PAOX: variants seen among roughly 807,000 people sequenced by gnomAD.
The protein encoded by PAOX is polyamine oxidase.
Under a neutral mutation model 39.0 loss-of-function variants are expected in PAOX, and 38 were observed. That is an observed-to-expected ratio of 0.97 (90% CI 0.75 to 1.28). PAOX has a LOEUF of 1.28. Among genes scored for constraint, PAOX ranks in the 50% most tolerant of loss-of-function variants. The pLI, the probability that PAOX is intolerant of heterozygous loss-of-function variation, is 0.00. For missense variants in PAOX, 667 were observed against 685.7 expected (o/e 0.97, Z 0.30); for synonymous variants, 311 against 314.4 (o/e 0.99, Z 0.11).
chr10:133,380,327 G>A lies in PAOX; in HGVS notation c.510G>A (p.Trp170Ter). The A allele has an allele frequency of 6.2e-7, 1 of 1,612,934 alleles. No homozygotes were observed. Among genetic ancestry groups the A allele is most frequent in the Non-Finnish European group, 8.5e-7 (1 of 1,180,040 alleles). Residue 170 changes from tryptophan to a stop codon, truncating the protein, a stop_gained, in exon 2 of 7, where the codon TGG (tryptophan) becomes TGA (stop). Transcript: ENST00000278060. LOFTEE classifies it high-confidence loss of function. ...KKEIGQHVAG[W>*]TEDEETRKLK... ...AGATTGGCCAGCACGTGGCCGGCTGGACAGAGGATGAGGAGACCAGGAAGC... is the reference window on the plus strand; with the variant it reads ...AGATTGGCCAGCACGTGGCCGGCTGAACAGAGGATGAGGAGACCAGGAAGC...
intron 3 of PAOX, 78 bp downstream of exon 3, chr10:133,381,737 G>A (rs1849388986): frequency 1.4e-6 from 2 of 1,476,778 alleles, no homozygotes; most frequent in South Asian, 1.2e-5. Context: ...TTGGCTCTGG[G>A]GCGTTTGCTT....
rs374107681 is a variant in PAOX at position 133,391,543 on chromosome 10, T to G, written c.*88T>G. ...ACAGATTTCAGTCTGGCTTGAAATT[T>G]GGGGATGTTAATGAGGGTCCTCTGG... is the stretch of plus-strand genomic sequence containing the variant. On this transcript the variant is annotated 3_prime_UTR_variant, in exon 7 of 7. Transcript: ENST00000278060. 1,616 of 1,496,878 alleles carry G rather than the reference T, an allele frequency of 1.1e-3. 11 individuals carry two copies. Among genetic ancestry groups the G allele is most frequent in the South Asian group, 7.0e-3 (517 of 74,064 alleles). 92.7% of individuals were successfully genotyped at this position (1,496,878 alleles called of 1,614,324 possible). A position where few individuals can be genotyped will look rare whatever the true frequency, so the allele number is the denominator to read the frequency against.
intron 4 of PAOX, among the ~76,000 whole-genome samples, chr10:133,387,192 T>C (rs1253066344): frequency 1.3e-5 from 2 of 152,070 alleles, no homozygotes; most frequent in African/African-American, 2.4e-5. Flanking sequence ...GGTGGGAGGA[T>C]TGCTTGAGCC....
At position 133,391,606 on chromosome 10, in the gene PAOX, C is replaced by A; in HGVS notation, c.*151C>A. ...AGGGCCACCTTCTCAGTTCTTGTGT[C>A]TGTTATTGGAGTCTGGCCAGGGTTG... On this transcript the variant is annotated 3_prime_UTR_variant, in exon 7 of 7. Transcript: ENST00000278060. 1 of 1,229,012 alleles carries A rather than the reference C, an allele frequency of 8.1e-7. No individual in the cohort carries two copies. Among genetic ancestry groups the A allele is most frequent in the Non-Finnish European group, 1.1e-6 (1 of 902,128 alleles). The allele number at this position is 1,229,012 out of a possible 1,614,324, so 76.1% of individuals were successfully genotyped here. A position where few individuals can be genotyped will look rare whatever the true frequency, so the allele number is the denominator to read the frequency against.
At position 133,389,697 on chromosome 10, in the gene PAOX, G is replaced by T; in HGVS notation, c.1342G>T (p.Asp448Tyr). The change falls in exon 6 of 7, where the codon GAC becomes TAC. Residue 448 changes from aspartate (D) to tyrosine (Y), a missense_variant. Transcript: ENST00000278060. ...CGTGGCCGTGGGCAGTACTGGGGGC[G>T]ACCTGGACCTGCTGGCTCAGCCCCT... ...SYVAVGSTGG[D>Y]LDLLAQPLPA... 1.3e-6 allele frequency: 2 copies of T among 1,595,480 alleles called. No individual in the cohort carries two copies. Among genetic ancestry groups the T allele is most frequent in the Non-Finnish European group, 1.7e-6 (2 of 1,168,558 alleles).
At chr10:133,385,410 C>G (rs1409192554) in intron 4 of PAOX, among the ~76,000 whole-genome samples, 1 of 152,046 alleles carries the variant, frequency 6.6e-6, no homozygotes, top group Non-Finnish European at 1.5e-5. Context: ...CCAGCCCCAC[C>G]TCCTGTGCTC....
rs1182414942 is a variant in PAOX at position 133,379,567 on chromosome 10, C to T, written c.181+70C>T. ...GCCCGAACTCGCCGGCCCCAACCTGCCCTGCGCGCAGCCGACCTGCCCGGC... is the reference window on the plus strand; with the variant it reads ...GCCCGAACTCGCCGGCCCCAACCTGTCCTGCGCGCAGCCGACCTGCCCGGC... On this transcript the variant is annotated intron_variant, in intron 1 of 6. Coordinates refer to ENST00000278060, the MANE Select transcript of PAOX (RefSeq NM_152911.4). The T allele has an allele frequency of 1.6e-5, 19 of 1,178,932 alleles. No individual in the cohort carries two copies. The South Asian group carries it at 3.5e-4, about 22-fold the overall frequency. 73.0% of individuals were successfully genotyped at this position (1,178,932 alleles called of 1,614,324 possible).
Position 133,385,933 on chromosome 10 carries a change from C to G in PAOX, c.1121+1721C>G, listed in dbSNP as rs185693219. Among the ~76,000 whole-genome samples the G allele has an allele frequency of 3.6e-3, 552 of 151,688 alleles. 3 individuals are homozygous for G. The highest frequency in any genetic ancestry group is 5.8e-3 in the Non-Finnish European group (397 of 67,962). On this transcript the variant is annotated intron_variant, in intron 4 of 6. Coordinates refer to ENST00000278060, the MANE Select transcript of PAOX (RefSeq NM_152911.4). ...TTGAGATGATAGTAACAAACCTATT[C>G]TATGTTAGCATAAATAACATTTTTA...
At chr10:133,390,204 G>T (rs1425441499) in intron 6 of PAOX, among the ~76,000 whole-genome samples, 1 of 105,546 alleles carries the variant, frequency 9.5e-6, no homozygotes. Context: ...TTTTTATTAA[G>T]CATGACTCAC....
At chr10:133,382,853 A>G (rs1849429194) in intron 3 of PAOX, 1 of 151,676 alleles carries the variant, frequency 6.6e-6, no homozygotes, top group African/African-American at 2.4e-5. Flanking sequence ...TCTTAATAGA[A>G]CTTGTCAGTG....
Position 133,389,764 on chromosome 10 carries a change from A to T in PAOX, c.1392+17A>T. 1 of 1,463,570 alleles carries T rather than the reference A, an allele frequency of 6.8e-7. No homozygotes were observed. The highest frequency in any genetic ancestry group is 9.0e-7 in the Non-Finnish European group (1 of 1,109,288). 90.7% of individuals were successfully genotyped at this position (1,463,570 alleles called of 1,614,324 possible). On this transcript the variant is annotated intron_variant, in intron 6 of 6. Transcript: ENST00000278060. The stretch of plus-strand genomic sequence containing the variant: ...GGCGCCCAGGTATGTGGCGTGCCCC[A>T]GTCGGGGGGCGTGGGTCCCGCTGCA...
rs147325128 is a variant in PAOX at position 133,381,577 on chromosome 10, C to T, written c.786C>T (p.Pro262=). The T allele has an allele frequency of 2.9e-5, 47 of 1,613,806 alleles. 1 individual carries two copies. Among genetic ancestry groups the T allele is most frequent in the Middle Eastern group, 3.3e-4 (2 of 6,062 alleles). ...WNGSFQEAAF[P]GETFPVSVEC... is the part of the protein sequence containing the mutation. ...GGTCCTTCCAGGAGGCAGCCTTTCCCGGGGAGACCTTTCCAGTGTCGGTAG... is the reference window on the plus strand; with the variant it reads ...GGTCCTTCCAGGAGGCAGCCTTTCCTGGGGAGACCTTTCCAGTGTCGGTAG... The change falls in exon 3 of 7, where the codon CCC becomes CCT. Residue 262 remains proline, a synonymous_variant. Transcript: ENST00000278060.
Position 133,379,921 on chromosome 10 carries a change from G to A in PAOX, c.182-78G>A. 14 of 1,487,184 alleles carry A rather than the reference G, an allele frequency of 9.4e-6. No homozygotes were observed. The South Asian group carries it at 1.9e-4, about 20-fold the overall frequency. 92.1% of individuals were successfully genotyped at this position (1,487,184 alleles called of 1,614,324 possible). A position where few individuals can be genotyped will look rare whatever the true frequency, so the allele number is the denominator to read the frequency against. The stretch of plus-strand genomic sequence containing the variant: ...CATCCTCCTTGGGAAGGCCAGCGTG[G>A]GCGTGGCCCAGGAGAAGGGCTCGGG... On this transcript the variant is annotated intron_variant, in intron 1 of 6. Coordinates refer to ENST00000278060, the MANE Select transcript of PAOX (RefSeq NM_152911.4).
intron 4 of PAOX, among the ~76,000 whole-genome samples, chr10:133,386,848 G>A (rs1849543502): frequency 6.6e-6 from 1 of 152,220 alleles, no homozygotes; most frequent in African/African-American, 2.4e-5. Context: ...TCAAGATGTA[G>A]TAGTAATTCC....
intron 4 of PAOX, among the ~76,000 whole-genome samples, chr10:133,385,316 C>T (rs1434149964): frequency 6.6e-6 from 1 of 151,888 alleles, no homozygotes; most frequent in Non-Finnish European, 1.5e-5. Flanking sequence ...AGAAAGAAAA[C>T]TGGCATTCCA....
At position 133,380,279 on chromosome 10, in the gene PAOX, C is replaced by A. The variant is rs766345027; in HGVS notation, c.462C>A (p.Ser154Arg). The A allele has an allele frequency of 1.2e-5, 20 of 1,612,896 alleles. No homozygotes were observed. Among genetic ancestry groups the A allele is most frequent in the Non-Finnish European group, 1.7e-5 (20 of 1,180,026 alleles). Residue 154 changes from serine to arginine, a missense_variant, in exon 2 of 7, where the codon AGC (serine) becomes AGA (arginine). Physicochemically the swap from Ser to Arg is moderately radical, Grantham distance 110. Transcript: ENST00000278060. ...FLHAAETPVPSVGEYLKKEIG... is the reference protein window; with the variant it reads ...FLHAAETPVPRVGEYLKKEIG... ...ACGCTGCAGAGACCCCGGTGCCCAGCGTCGGGGAGTACCTCAAGAAGGAGA... is the reference window on the plus strand; with the variant it reads ...ACGCTGCAGAGACCCCGGTGCCCAGAGTCGGGGAGTACCTCAAGAAGGAGA...
rs752967870 is a variant in PAOX, at chr10:133,380,220, T to C, written c.403T>C (p.Tyr135His). 24 of 1,612,894 alleles carry C rather than the reference T, an allele frequency of 1.5e-5. No homozygotes were observed. The highest frequency in any genetic ancestry group is 1.9e-5 in the Non-Finnish European group (23 of 1,180,004). Residue 135 changes from tyrosine (Y) to histidine (H), a missense_variant, in exon 2 of 7, where the codon TAC (tyrosine) becomes CAC (histidine). Transcript: ENST00000278060. Reference sequence around the variant, plus strand: ...GGTGGCGGAGATGGCGACTCTGTTCTACGGCCTGATAGACCAGACCCGGGA... The same window carrying C: ...GGTGGCGGAGATGGCGACTCTGTTCCACGGCCTGATAGACCAGACCCGGGA... ...QLVAEMATLF[Y>H]GLIDQTREFL...
At chr10:133,390,729 T>A (rs950160420) in intron 6 of PAOX, 1 of 561,068 alleles carries the variant, frequency 1.8e-6, no homozygotes, top group Non-Finnish European at 3.2e-6. Flanking sequence ...GAAATGTTGC[T>A]TCTTGAGTTT....
intron 4 of PAOX, among the ~76,000 whole-genome samples, chr10:133,385,718 G>A (rs1849512429): frequency 6.6e-6 from 1 of 152,074 alleles, no homozygotes; most frequent in South Asian, 2.1e-4. Context: ...TGAGTAGCTG[G>A]AACTACAGGC....
Sources: gnomAD v4.1 joint callset for allele counts (sites outside exome capture counted in the v4.1 genomes callset) on GRCh38, gnomAD v4.1.1 for gene constraint, MANE v1.5 for transcripts, NCBI Gene and HGNC (gene_info 2026-07-23, HGNC 2026-07-21) for gene names.